The following RTN2 variants were observed in gnomAD, a reference collection of about 807,000 sequenced individuals.
RTN2 encodes the protein reticulon-2.
RTN2 carries 36 observed loss-of-function variants against 63.7 expected under a neutral mutation model. The ratio of observed to expected loss-of-function variants is 0.56; its 90% CI spans 0.43 to 0.75. The LOEUF (loss-of-function observed/expected upper bound fraction) is 0.75. RTN2 is among the 30% of genes least tolerant of loss of function. The pLI, the probability that RTN2 is intolerant of heterozygous loss-of-function variation, is 0.00. For synonymous variants in RTN2, 312 were observed against 313.0 expected, an observed-to-expected ratio of 1.00 and a Z score of 0.03; for missense variants, 673 against 705.1, an observed-to-expected ratio of 0.95 and a Z score of 0.52.
intron 6 of RTN2, 88 bp from the exon 7 acceptor site, chr19:45,489,074 G>A (rs1219902109): frequency 4.8e-6 from 7 of 1,447,832 alleles, no homozygotes; most frequent in Non-Finnish European, 5.6e-6. Context: ...GAGGAATGGC[G>A]GTTGGGAGAA....
chr19:45,485,594 A>C lies in RTN2; in HGVS notation c.*114T>G. On this transcript the variant is annotated 3_prime_UTR_variant, in exon 11 of 11. Coordinates refer to ENST00000245923, the MANE Select transcript of RTN2 (RefSeq NM_005619.5). ...CCTAGTGGGAGTGATCCTGACACCC[A>C]CCGGGAAAAGGCTCGGGCCGAGGAG... is the stretch of plus-strand genomic sequence containing the variant. 1.2e-6 allele frequency: 1 copy of C among 830,912 alleles called. No homozygotes were observed. 51.5% of individuals were successfully genotyped at this position (830,912 alleles called of 1,614,324 possible).
chr19:45,496,335 G>A (rs1014532589), intron 1 of RTN2, among the ~76,000 whole-genome samples: 1 of 152,362 alleles, frequency 6.6e-6, no homozygotes, highest in East Asian at 1.9e-4. Flanking sequence ...CCCGGGACAG[G>A]GTTGGACAGT....
In RTN2 at chr19:45,489,547, T is replaced by G; in HGVS notation, c.1040A>C (p.Asp347Ala). The G allele has an allele frequency of 6.3e-7, 1 of 1,595,442 alleles. No individual in the cohort carries two copies. Among genetic ancestry groups the G allele is most frequent in the Admixed American group, 1.7e-5 (1 of 57,480 alleles). The change falls in exon 6 of 11, where the codon GAC (aspartate) becomes GCC (alanine). Residue 347 changes from aspartate to alanine, a missense_variant. Transcript: ENST00000245923. ...LGADMGSKVADLLYWKDTRTS... is the reference protein window; with the variant it reads ...LGADMGSKVAALLYWKDTRTS... ...CCTCGTGTCCTTCCAGTACAGCAGG[T>G]CCGCCACTGTGGAGGGGTGGGGGGC...
rs1271474393 is a variant in RTN2 at position 45,493,199 on chromosome 19, C to A, written c.994G>T (p.Val332Phe). 3 of 1,613,200 alleles carry A rather than the reference C, an allele frequency of 1.9e-6. No individual in the cohort carries two copies. The highest frequency in any genetic ancestry group is 1.1e-5 in the South Asian group (1 of 91,046). Residue 332 changes from valine to phenylalanine, a missense_variant, in exon 5 of 11, where the codon GTC becomes TTC. Physicochemically the swap from Val to Phe is conservative, Grantham distance 50. Transcript: ENST00000245923. ...KWAKSPRSSG[V>F]PSLSLGADMG... ...TCGGCTCCGAGTGAGAGGCTGGGGA[C>A]ACCGCTGCTTCTCGGGGATTTTGCC...
chr19:45,494,419 T>C lies in RTN2; in HGVS notation c.561A>G (p.Glu187=). 6.2e-7 allele frequency: 1 copy of C among 1,611,344 alleles called. No homozygotes were observed. ...GAGCAAGTCGGAGTCGTAGGTCCAG[T>C]TCTGATACGGTAGAGAGAGGAGGCC... is the stretch of plus-strand genomic sequence containing the variant. ...NRLETGEAGE[E]LDLRLRLAQP... The change falls in exon 4 of 11, where the codon GAA becomes GAG. Residue 187 remains glutamate (E), a splice_region_variant and synonymous_variant. Coordinates refer to ENST00000245923, the MANE Select transcript of RTN2 (RefSeq NM_005619.5). This position sits in a 1 kb window ranked among gnomAD's most constrained non-coding sequence, Gnocchi z 5.3.
intron 4 of RTN2, chr19:45,493,911 A>G (rs545294550): frequency 4.7e-5 from 22 of 469,746 alleles, no homozygotes; most frequent in Non-Finnish European, 8.1e-5. Flanking sequence ...GCTGATCTCG[A>G]ACTCCTCACC....
At chr19:45,489,027 C>A (rs1968093500) in intron 6 of RTN2, 41 bp from the exon 7 acceptor site, 1 of 1,599,948 alleles carries the variant, frequency 6.3e-7, no homozygotes, top group Non-Finnish European at 8.5e-7. Flanking sequence ...AGTGGGTGAC[C>A]AGCTCAGACT....
At chr19:45,490,897 T>C (rs1968144054) in intron 5 of RTN2, among the ~76,000 whole-genome samples, 1 of 150,394 alleles carries the variant, frequency 6.6e-6, no homozygotes, top group Non-Finnish European at 1.5e-5. Context: ...TGTTTGTTTT[T>C]TTTTTTGAGA....
At chr19:45,495,909 G>C (rs1968259151) in intron 1 of RTN2, among the ~76,000 whole-genome samples, 1 of 152,150 alleles carries the variant, frequency 6.6e-6, no homozygotes, top group Non-Finnish European at 1.5e-5. Flanking sequence ...TAGAATGTTG[G>C]GATGATACTC....
In RTN2 at chr19:45,488,863, G is replaced by T; in HGVS notation, c.1365C>A (p.Leu455=). The stretch of plus-strand genomic sequence containing the variant: ...TCCAGGCCACCTTGAGGGAATCCAC[G>T]AGGTCTTCTACCAGGAAGAAGTGCC... ...QLRHFFLVED[L]VDSLKLALLF... The change falls in exon 7 of 11, where the codon CTC becomes CTA. Residue 455 remains leucine (L), a synonymous_variant. Coordinates refer to ENST00000245923, the MANE Select transcript of RTN2 (RefSeq NM_005619.5). The T allele has an allele frequency of 6.2e-7, 1 of 1,602,784 alleles. No homozygotes were observed.
chr19:45,488,582 T>C, intron 8 of RTN2, 55 bp downstream of exon 8: 1 of 1,612,542 alleles, frequency 6.2e-7, no homozygotes, highest in Non-Finnish European at 8.5e-7. Context: ...TCTGGAGCCC[T>C]GTCCCCCACC....
chr19:45,490,535 CTGTGTG>C (rs56279132), intron 5 of RTN2, among the ~76,000 whole-genome samples: 137 of 145,864 alleles, frequency 9.4e-4, no homozygotes, highest in East Asian at 5.8e-3. Context: ...GGTTGTGTGT[CTGTGTG>C]TGTGTGTGTG....
chr19:45,489,030 C>G (rs1968093615), intron 6 of RTN2, 44 bp from the exon 7 acceptor site: 1 of 1,597,010 alleles, frequency 6.3e-7, no homozygotes, highest in South Asian at 1.1e-5. Flanking sequence ...GGGTGACCAG[C>G]TCAGACTGGT....
rs1968078926 is a variant in RTN2, at chr19:45,488,583, GT to G, written c.1450+53del. 3 of 1,613,144 alleles carry G rather than the reference GT, an allele frequency of 1.9e-6. No homozygotes were observed. The South Asian group carries it at 3.3e-5, about 18-fold the overall frequency. On this transcript the variant is annotated intron_variant, in intron 8 of 10. Transcript: ENST00000245923. ...GATGAACAGTTCCATCTGGAGCCCT[GT>G]CCCCCACCAGACTCCAAGTCCCCAT...
At position 45,487,329 on chromosome 19, in the gene RTN2, G is replaced by A. The variant is rs543078987; in HGVS notation, c.1497+1142C>T. Among the ~76,000 whole-genome samples the A allele has an allele frequency of 6.4e-4, 98 of 152,038 alleles. 1 individual carries two copies. Among genetic ancestry groups the A allele is most frequent in the Middle Eastern group, 3.4e-3 (1 of 294 alleles). ...CAAAGTGCCGGGATTACAGTTGTGA[G>A]CCACTGTGCCTGGCCTGATTTAAAT... On this transcript the variant is annotated intron_variant, in intron 9 of 10. Transcript: ENST00000245923.
rs1968244034 is a variant in RTN2 at position 45,495,007 on chromosome 19, T to A, written c.80-2A>T. 2 of 1,613,834 alleles carry A rather than the reference T, an allele frequency of 1.2e-6. No homozygotes were observed. Among genetic ancestry groups the A allele is most frequent in the African/African-American group, 2.7e-5 (2 of 74,922 alleles). On this transcript the variant is annotated splice_acceptor_variant, in intron 2 of 10. Coordinates refer to ENST00000245923, the MANE Select transcript of RTN2 (RefSeq NM_005619.5). LOFTEE classifies it high-confidence loss of function. Reference sequence around the variant, plus strand: ...GAAAATCAGAGTCGTCGTTCCCTCCTGCAGTGGGTGAAGGAGAGCCTTGTT... The same window carrying A: ...GAAAATCAGAGTCGTCGTTCCCTCCAGCAGTGGGTGAAGGAGAGCCTTGTT...
rs3038807 is a variant in RTN2 at position 45,496,962 on chromosome 19, AGCCGCCGCCGCC to A, written c.-149_-138del. 6.0e-4 allele frequency: 203 copies of A among 336,394 alleles called. No individual in the cohort carries two copies. The highest frequency in any genetic ancestry group is 1.7e-3 in the African/African-American group (76 of 45,220). The allele number at this position is 336,394 out of a possible 1,614,324, so 20.8% of individuals were successfully genotyped here. The stretch of plus-strand genomic sequence containing the variant: ...CCGCCTCCTCCTCCCGGGCTGCTCC[AGCCGCCGCCGCC>A]GCCGCCGCCGCCGCCGCCGCCCTGG... On this transcript the variant is annotated 5_prime_UTR_variant, in exon 1 of 11. Transcript: ENST00000245923.
rs1599908114 is a variant in RTN2, at chr19:45,489,431, A to G, written c.1156T>C (p.Leu386=). ...IVSVAAHLAL[L]LLCGTISLRV... is the part of the protein sequence containing the mutation. ...AGAGAGATGGTGCCGCAGAGCAGCA[A>G]CAGAGCCAAGTGCGCGGCCACGGAC... is the stretch of plus-strand genomic sequence containing the variant. The change falls in exon 6 of 11, where the codon TTG becomes CTG. Residue 386 remains leucine (L), a synonymous_variant. Transcript: ENST00000245923. The G allele has an allele frequency of 6.2e-7, 1 of 1,610,704 alleles. No homozygotes were observed. Among genetic ancestry groups the G allele is most frequent in the Non-Finnish European group, 8.5e-7 (1 of 1,178,614 alleles).
At chr19:45,489,640 C>A in intron 5 of RTN2, 87 bp from the exon 6 acceptor site, 8 of 826,804 alleles carry the variant, frequency 9.7e-6, no homozygotes, top group African/African-American at 1.7e-5. Flanking sequence ...CTGAAAATGA[C>A]TTCTCGACAC....
Sources: gnomAD v4.1 joint callset for allele counts (sites outside exome capture counted in the v4.1 genomes callset) on GRCh38, gnomAD v4.1.1 for gene constraint, Gnocchi (gnomAD v3.1) non-coding constraint, MANE v1.5 for transcripts, NCBI Gene and HGNC (gene_info 2026-07-23, HGNC 2026-07-21) for gene names.